The following RPA3 variants were observed in gnomAD, a reference collection of about 807,000 sequenced individuals.
The protein encoded by RPA3 is replication protein A 14 kDa subunit.
Under a neutral mutation model 13.7 loss-of-function variants are expected in RPA3, and 24 were observed. The ratio of observed to expected loss-of-function variants is 1.75; its 90% confidence interval spans 1.27 to 2.46. The LOEUF (loss-of-function observed/expected upper bound fraction) is 2.46. Among genes scored for constraint, RPA3 ranks in the 30% most tolerant of loss-of-function variants. The pLI is 0.00. For synonymous variants in RPA3, 59 were observed against 51.2 expected (o/e 1.15, Z -0.65); for missense variants, 183 against 151.0 (o/e 1.21, Z -1.11).
chr7:7,718,497 AT>A lies in RPA3; in HGVS notation c.-1080+17del, dbSNP rs1780974755. On this transcript the variant is annotated intron_variant, in intron 1 of 7. Transcript: ENST00000223129. The stretch of plus-strand genomic sequence containing the variant: ...AAGGAAAAAACTATGTATCCAACAA[AT>A]TCAAACAGATACTTACAAAATTAAG... 6.6e-6 allele frequency: 1 copy of A among 152,186 alleles called. No homozygotes were observed. The highest frequency in any genetic ancestry group is 2.4e-5 in the African/African-American group (1 of 41,446). The allele number at this position is 152,186 out of a possible 1,614,324, so 9.4% of individuals were successfully genotyped here.
rs1223902381 is a variant in RPA3, at chr7:7,702,021, A to G, written c.-1028+13154T>C. 4.6e-5 allele frequency among the ~76,000 whole-genome samples: 7 copies of G among 152,376 alleles called. No homozygotes were observed. The South Asian group carries it at 1.0e-3, about 23-fold the overall frequency. Reference sequence around the variant, plus strand: ...TTTGTAAAAAGTAGAACTGAAATTCATATTGAAATTCAGATAGAGAAGGTA... The same window carrying G: ...TTTGTAAAAAGTAGAACTGAAATTCGTATTGAAATTCAGATAGAGAAGGTA... On this transcript the variant is annotated intron_variant, in intron 2 of 7. Coordinates refer to ENST00000223129, the MANE Select transcript of RPA3 (RefSeq NM_002947.5).
chr7:7,661,420 G>A lies in RPA3; in HGVS notation c.-757-20245C>T, dbSNP rs568072462. ...TTTTTGGAATTTTCCGCCTTTTTGCGCTGGTTTGTCCCTATCTTTGTGGAT... is the reference window on the plus strand; with the variant it reads ...TTTTTGGAATTTTCCGCCTTTTTGCACTGGTTTGTCCCTATCTTTGTGGAT... On this transcript the variant is annotated intron_variant, in intron 4 of 7. Transcript: ENST00000223129. Among the ~76,000 whole-genome samples the A allele has an allele frequency of 3.1e-4, 47 of 152,228 alleles. 1 individual carries two copies. The highest frequency in any genetic ancestry group is 1.0e-3 in the Admixed American group (16 of 15,300).
intron 5 of RPA3, 172 bp downstream of exon 5, chr7:7,640,148 C>T: frequency 3.0e-6 from 2 of 674,550 alleles, no homozygotes; most frequent in Non-Finnish European, 5.1e-6. Flanking sequence ...TAAAAGAGCG[C>T]CAAAATGGGG....
chr7:7,643,348 G>C (rs542073620), intron 4 of RPA3, among the ~76,000 whole-genome samples: 1 of 152,316 alleles, frequency 6.6e-6, no homozygotes, highest in African/African-American at 2.4e-5. Context: ...CAAGGCTAAG[G>C]AGGGCTCTGT....
chr7:7,638,824 T>G, intron 6 of RPA3: 1 of 357,908 alleles, frequency 2.8e-6, no homozygotes, highest in Non-Finnish European at 5.0e-6. Flanking sequence ...TCATAAGGAA[T>G]GAGAATTGTT....
At chr7:7,693,301 A>ATCTATCTG (rs1325418921) in intron 2 of RPA3, among the ~76,000 whole-genome samples, 1 of 146,124 alleles carries the variant, frequency 6.8e-6, no homozygotes, top group Non-Finnish European at 1.5e-5. Context: ...ATCTTTATCT[A>ATCTATCTG]TCTATCTATC....
intron 4 of RPA3, among the ~76,000 whole-genome samples, chr7:7,647,386 G>C (rs7794467): frequency 0.69 from 104,218 of 152,138 alleles, 36,092 homozygotes; most frequent in East Asian, 0.88. Flanking sequence ...AATTATGTGA[G>C]GCTTGCTTTA....
Position 7,646,510 on chromosome 7 carries a change from C to A in RPA3, c.-757-5335G>T, listed in dbSNP as rs1437182984. ...TTTTTTTTTTTTTTTTTTTTTAATT[C>A]TCTCGTCTGACACCATGTAAGACGT... On this transcript the variant is annotated intron_variant, in intron 4 of 7. Coordinates refer to ENST00000223129, the MANE Select transcript of RPA3 (RefSeq NM_002947.5). Among the ~76,000 whole-genome samples, 3 of 109,032 alleles carry A rather than the reference C, an allele frequency of 2.8e-5. No homozygotes were observed. In the Admixed American group the frequency reaches 3.1e-4, roughly 11 times the overall value. The allele number at this position is 109,032 out of a possible 152,430, so 71.5% of individuals were successfully genotyped here.
chr7:7,713,399 T>G (rs960952519), intron 2 of RPA3, among the ~76,000 whole-genome samples: 2 of 126,640 alleles, frequency 1.6e-5, no homozygotes, highest in African/African-American at 3.5e-5. Context: ...ATAGACAGAG[T>G]TTTTTTTTTT....
intron 4 of RPA3, among the ~76,000 whole-genome samples, chr7:7,648,732 G>A (rs1346411515): frequency 6.6e-6 from 1 of 151,904 alleles, no homozygotes; most frequent in Non-Finnish European, 1.5e-5. Context: ...GTGTGCCTGT[G>A]GTCCTAGCTA....
At chr7:7,696,531 A>G (rs983689019) in intron 2 of RPA3, among the ~76,000 whole-genome samples, 14 of 152,178 alleles carry the variant, frequency 9.2e-5, no homozygotes, top group African/African-American at 3.4e-4. Context: ...AGAAATTCAG[A>G]TGTCATTTGA....
At chr7:7,653,224 A>G (rs928198089) in intron 4 of RPA3, among the ~76,000 whole-genome samples, 1 of 152,252 alleles carries the variant, frequency 6.6e-6, no homozygotes, top group African/African-American at 2.4e-5. Context: ...TTTACACTCA[A>G]ATCAAAATGG....
intron 2 of RPA3, among the ~76,000 whole-genome samples, chr7:7,695,981 GTT>G (rs34880729): frequency 2.3e-5 from 3 of 130,736 alleles, no homozygotes; most frequent in African/African-American, 5.7e-5. Flanking sequence ...GTATATCTCC[GTT>G]TTTTTTTTTT....
At chr7:7,665,036 C>A (rs1249479745) in intron 4 of RPA3, among the ~76,000 whole-genome samples, 2 of 152,124 alleles carry the variant, frequency 1.3e-5, no homozygotes, top group Non-Finnish European at 2.9e-5. Flanking sequence ...CACATTCATA[C>A]ACATGTATTT....
At chr7:7,662,123 C>G (rs1402657213) in intron 4 of RPA3, among the ~76,000 whole-genome samples, 2 of 152,164 alleles carry the variant, frequency 1.3e-5, no homozygotes, top group Non-Finnish European at 2.9e-5. Flanking sequence ...GGGAAAACGG[C>G]CCACTCAAGC....
chr7:7,653,670 C>T (rs368388740), intron 4 of RPA3, among the ~76,000 whole-genome samples: 14 of 152,172 alleles, frequency 9.2e-5, no homozygotes, highest in African/African-American at 2.2e-4. Flanking sequence ...TGAAGTCTGA[C>T]GCTCCCAGAC....
intron 2 of RPA3, among the ~76,000 whole-genome samples, chr7:7,688,882 G>C (rs1780102620): frequency 6.6e-6 from 1 of 152,032 alleles, no homozygotes; most frequent in Non-Finnish European, 1.5e-5. Flanking sequence ...AGAAAACTTG[G>C]TAATATCTTC....
At chr7:7,657,885 C>G (rs1785380047) in intron 4 of RPA3, among the ~76,000 whole-genome samples, 2 of 152,152 alleles carry the variant, frequency 1.3e-5, no homozygotes, top group South Asian at 2.1e-4. Flanking sequence ...AGCATTGAAT[C>G]TGTAAATTAC....
chr7:7,664,699 A>G (rs914084474), intron 4 of RPA3, among the ~76,000 whole-genome samples: 8 of 152,178 alleles, frequency 5.3e-5, no homozygotes, highest in African/African-American at 1.7e-4. Flanking sequence ...GCAGCCTACC[A>G]GAGTTCTAAT....
Sources: gnomAD v4.1 joint callset for allele counts (sites outside exome capture counted in the v4.1 genomes callset) on GRCh38, gnomAD v4.1.1 for gene constraint, MANE v1.5 for transcripts, NCBI Gene and HGNC (gene_info 2026-07-23, HGNC 2026-07-21) for gene names.